The following DOP1B variants were observed in gnomAD, a reference collection of about 807,000 sequenced individuals.
The protein encoded by DOP1B is DOP1 leucine zipper like protein B.
DOP1B carries 174 observed loss-of-function variants against 233.5 expected under a neutral mutation model. That is an observed-to-expected ratio of 0.75 (90% CI 0.66 to 0.85). DOP1B has a LOEUF of 0.85. Among genes scored for constraint, DOP1B ranks in the 40% least tolerant of loss-of-function variants. The pLI is 0.00. For missense variants in DOP1B, 2,652 were observed against 2,846.6 expected, an observed-to-expected ratio of 0.93 and a Z score of 1.56; for synonymous variants, 1,190 against 1,185.6, an observed-to-expected ratio of 1.00 and a Z score of -0.08.
chr21:36,255,225 G>A (rs558157490), intron 23 of DOP1B, among the ~76,000 whole-genome samples: 40 of 152,080 alleles, frequency 2.6e-4, no homozygotes, highest in African/African-American at 8.7e-4. Flanking sequence ...CCCGCCCCTG[G>A]GGTTCAAGTG....
chr21:36,259,278 T>C (rs2067143079), intron 23 of DOP1B, among the ~76,000 whole-genome samples: 2 of 147,056 alleles, frequency 1.4e-5, no homozygotes, highest in African/African-American at 5.1e-5. Flanking sequence ...TTTTTTTTTT[T>C]CTTTTTTTTT....
chr21:36,205,514 G>A (rs1347121887), intron 4 of DOP1B, among the ~76,000 whole-genome samples: 2 of 151,958 alleles, frequency 1.3e-5, no homozygotes, highest in Middle Eastern at 3.2e-3. Flanking sequence ...TCAGCCTCAC[G>A]AGAAGCTGGG....
At chr21:36,241,645 AT>A (rs2066892595) in intron 18 of DOP1B, among the ~76,000 whole-genome samples, 2 of 142,838 alleles carry the variant, frequency 1.4e-5, no homozygotes, top group South Asian at 2.3e-4. Context: ...AGTAGCTGGG[AT>A]TACAGGCATG....
chr21:36,185,627 A>G (rs1250872664), intron 2 of DOP1B, among the ~76,000 whole-genome samples: 1 of 152,210 alleles, frequency 6.6e-6, no homozygotes, highest in African/African-American at 2.4e-5. Flanking sequence ...GGTTGAGGGC[A>G]ACATGTAACA....
chr21:36,263,905 C>A, intron 26 of DOP1B, 91 bp downstream of exon 26: 2 of 1,239,130 alleles, frequency 1.6e-6, no homozygotes, highest in Non-Finnish European at 2.4e-6. Context: ...AGACAAGAGA[C>A]ATTGGACAGA....
At chr21:36,232,072 T>C (rs1489966852) in intron 14 of DOP1B, among the ~76,000 whole-genome samples, 1 of 152,000 alleles carries the variant, frequency 6.6e-6, no homozygotes, top group African/African-American at 2.4e-5. Context: ...TCTCAATCTT[T>C]TGACCTCGCG....
intron 23 of DOP1B, among the ~76,000 whole-genome samples, chr21:36,254,322 A>G (rs577900550): frequency 1.3e-5 from 2 of 152,350 alleles, no homozygotes; most frequent in African/African-American, 4.8e-5. Flanking sequence ...ATGTGATTCA[A>G]TAACCACTGC....
At position 36,293,409 on chromosome 21, in the gene DOP1B, A is replaced by C; in HGVS notation, c.6735A>C (p.Pro2245=). The C allele has an allele frequency of 6.2e-7, 1 of 1,614,130 alleles. No individual in the cohort carries two copies. The highest frequency in any genetic ancestry group is 8.5e-7 in the Non-Finnish European group (1 of 1,180,008). ...HSVSSIRQLM[P]FFMTLNGAFK... ...TTTCCAGCATCAGGCAGTTGATGCC[A>C]TTCTTCATGACTCTAAATGGTGCAT... Residue 2245 remains proline, a synonymous_variant, in exon 37 of 37, where the codon CCA becomes CCC. Transcript: ENST00000691173.
At chr21:36,277,292 T>G (rs1017714393) in intron 28 of DOP1B, among the ~76,000 whole-genome samples, 192 bp downstream of exon 28, 11 of 149,556 alleles carry the variant, frequency 7.4e-5, no homozygotes, top group African/African-American at 2.4e-4. Context: ...AGGACTGCAC[T>G]TTTTTTTTTG....
chr21:36,186,030 T>C (rs1212342318), intron 2 of DOP1B, among the ~76,000 whole-genome samples: 1 of 152,040 alleles, frequency 6.6e-6, no homozygotes, highest in Admixed American at 6.6e-5. Flanking sequence ...TGGTGAAACC[T>C]TGTTTCTACT....
In DOP1B at chr21:36,266,994, G is replaced by A. The variant is rs892511523; in HGVS notation, c.5488-3019G>A. On this transcript the variant is annotated intron_variant, in intron 26 of 36. Coordinates refer to ENST00000691173, the MANE Select transcript of DOP1B (RefSeq NM_001320714.2). Reference sequence around the variant, plus strand: ...AGTTAGCCAATTCGCCACTTCCCTCGAGCGCACCCTTCTCTCACCCAGCAG... The same window carrying A: ...AGTTAGCCAATTCGCCACTTCCCTCAAGCGCACCCTTCTCTCACCCAGCAG... 3.3e-5 allele frequency among the ~76,000 whole-genome samples: 5 copies of A among 151,958 alleles called. 1 individual carries two copies. In the South Asian group the frequency reaches 6.2e-4, roughly 19 times the overall value.
At chr21:36,184,319 G>A (rs2080333532) in intron 2 of DOP1B, among the ~76,000 whole-genome samples, 2 of 152,120 alleles carry the variant, frequency 1.3e-5, no homozygotes, top group South Asian at 2.1e-4. Flanking sequence ...AGAGTGCTGC[G>A]ATTACAGGTG....
intron 15 of DOP1B, 128 bp from the exon 16 acceptor site, chr21:36,237,134 G>C: frequency 7.8e-7 from 1 of 1,284,546 alleles, no homozygotes; most frequent in Non-Finnish European, 1.1e-6. Flanking sequence ...TCTGAGCATG[G>C]AGGATTCTCA....
chr21:36,280,561 A>T (rs1400593354), intron 31 of DOP1B, among the ~76,000 whole-genome samples: 1 of 152,200 alleles, frequency 6.6e-6, no homozygotes, highest in East Asian at 1.9e-4. Context: ...AACCTTTTTC[A>T]TAGTTTTATA....
At chr21:36,273,376 C>T (rs1213958674) in intron 27 of DOP1B, among the ~76,000 whole-genome samples, 1 of 151,512 alleles carries the variant, frequency 6.6e-6, no homozygotes, top group East Asian at 1.9e-4. Flanking sequence ...CACTGCACTC[C>T]AGTCTGGGCA....
intron 16 of DOP1B, among the ~76,000 whole-genome samples, chr21:36,237,757 C>T (rs2066844147): frequency 6.6e-6 from 1 of 152,120 alleles, no homozygotes; most frequent in African/African-American, 2.4e-5. Flanking sequence ...TGAAGCAGGG[C>T]GTGGTGGCTC....
intron 10 of DOP1B, among the ~76,000 whole-genome samples, chr21:36,221,417 C>T (rs2066621132): frequency 6.6e-6 from 1 of 151,670 alleles, no homozygotes; most frequent in Admixed American, 6.6e-5. Flanking sequence ...ATTGCTTGAA[C>T]CTGGGAGGTG....
chr21:36,201,345 C>CTTTTTTTTTTTTTTTTTTTTTTTT lies in DOP1B; in HGVS notation c.491+864_491+865insTTTTTTTTTTTTTTTTTTTTTTTT, dbSNP rs1172730528. On this transcript the variant is annotated intron_variant, in intron 4 of 36. Transcript: ENST00000691173. Reference sequence around the variant, plus strand: ...TCTATTCCACTGTATCTATTGGATTCTTTTTTTTTTTTTTTTTTTTGAGAC... The same window carrying CTTTTTTTTTTTTTTTTTTTTTTTT: ...TCTATTCCACTGTATCTATTGGATTCTTTTTTTTTTTTTTTTTTTTTTTTTTTTTTTTTTTTTTTTTTTTGAGAC... 7.9e-4 allele frequency among the ~76,000 whole-genome samples: 66 copies of CTTTTTTTTTTTTTTTTTTTTTTTT among 83,248 alleles called. 6 individuals carry two copies. Among genetic ancestry groups the CTTTTTTTTTTTTTTTTTTTTTTTT allele is most frequent in the East Asian group, 2.4e-3 (7 of 2,936 alleles). The allele number at this position is 83,248 out of a possible 152,430, so 54.6% of individuals were successfully genotyped here.
chr21:36,215,091 C>A (rs2066544021), intron 9 of DOP1B, among the ~76,000 whole-genome samples: 1 of 152,128 alleles, frequency 6.6e-6, no homozygotes, highest in South Asian at 2.1e-4. Context: ...TAGGAAAATA[C>A]CTTTGAGCTC....
Sources: allele counts gnomAD v4.1 joint callset (sites outside exome capture counted in the v4.1 genomes callset), GRCh38; gene constraint gnomAD v4.1.1; transcripts MANE v1.5; gene names NCBI Gene and HGNC (gene_info 2026-07-23, HGNC 2026-07-21).